The following CHL1 variants were observed in gnomAD, a reference collection of about 807,000 sequenced individuals.
CHL1 encodes neural cell adhesion molecule L1-like protein.
A neutral mutation model predicts 141.9 loss-of-function variants in CHL1; 96 were observed. The observed-to-expected ratio is 0.68, with a 90% CI of 0.57 to 0.80. CHL1 has a LOEUF of 0.80. CHL1 is among the 30% of genes least tolerant of loss of function. The probability of loss-of-function intolerance (pLI) is 0.00; values close to 1 mark genes in which losing one functional copy is unlikely to be tolerated. For missense variants in CHL1, 1,820 were observed against 1,457.2 expected, an observed-to-expected ratio of 1.25 and a Z score of -4.05; for synonymous variants, 613 against 502.2, an observed-to-expected ratio of 1.22 and a Z score of -2.95.
rs151227337 is a variant in CHL1 at position 239,901 on chromosome 3, C to T, written c.-174-4712C>T. Among the ~76,000 whole-genome samples the T allele has an allele frequency of 5.3e-4, 81 of 152,244 alleles. 2 individuals are homozygous for T. Among genetic ancestry groups the T allele is most frequent in the Admixed American group, 4.2e-3 (64 of 15,278 alleles). On this transcript the variant is annotated intron_variant, in intron 1 of 27. Transcript: ENST00000256509. ...TAGAATAATCGTCTCCAGCTCCATC[C>T]AGGGTGCTGTGAATGCGGTTAATTT...
intron 1 of CHL1, among the ~76,000 whole-genome samples, chr3:206,706 C>T (rs1699475949): frequency 6.6e-6 from 1 of 152,122 alleles, no homozygotes; most frequent in Admixed American, 6.5e-5. Context: ...GTGTTCTCTC[C>T]AAAATCAAGT....
intron 1 of CHL1, among the ~76,000 whole-genome samples, chr3:242,545 G>A (rs547081532): frequency 9.9e-5 from 15 of 151,938 alleles, no homozygotes; most frequent in South Asian, 2.1e-4. Context: ...GCAGTGAGCC[G>A]AGATTGTGCC....
intron 2 of CHL1, among the ~76,000 whole-genome samples, chr3:281,127 A>C (rs1260863734): frequency 1.3e-5 from 2 of 152,164 alleles, no homozygotes; most frequent in Admixed American, 6.5e-5. Flanking sequence ...AAATTCTCCT[A>C]CAACACCCAG....
intron 1 of CHL1, among the ~76,000 whole-genome samples, chr3:237,964 G>A (rs1039050603): frequency 6.6e-6 from 1 of 152,144 alleles, no homozygotes; most frequent in Admixed American, 6.5e-5. Context: ...ATAAGGTTTT[G>A]CTGATAAATA....
chr3:382,695 T>G (rs1165493665), intron 18 of CHL1, 24 bp downstream of exon 18: 2 of 1,600,190 alleles, frequency 1.2e-6, no homozygotes, highest in East Asian at 2.2e-5. Context: ...CACATCAGGT[T>G]TCTAACAAAA....
At chr3:293,124 A>T (rs1574979792) in intron 2 of CHL1, among the ~76,000 whole-genome samples, 1 of 152,358 alleles carries the variant, frequency 6.6e-6, no homozygotes, top group South Asian at 2.1e-4. Context: ...GCTTCAGGTT[A>T]GTTTATAAAA....
intron 15 of CHL1, among the ~76,000 whole-genome samples, chr3:370,541 A>AC (rs1705496157): frequency 6.7e-6 from 1 of 150,254 alleles, no homozygotes; most frequent in South Asian, 2.1e-4. Flanking sequence ...TTTTTTCAAA[A>AC]AAAAAAAACC....
At chr3:321,356 A>G (rs914418770) in intron 3 of CHL1, among the ~76,000 whole-genome samples, 4 of 152,088 alleles carry the variant, frequency 2.6e-5, no homozygotes, top group Non-Finnish European at 4.4e-5. Flanking sequence ...CTTTCGGCCT[A>G]CACAATGTAT....
At chr3:242,488 T>C (rs565159237) in intron 1 of CHL1, among the ~76,000 whole-genome samples, 1,576 of 149,856 alleles carry the variant, frequency 0.011, 6 homozygotes, top group Middle Eastern at 0.014. Context: ...CCCAGCTACC[T>C]GGGAGGCTGA....
chr3:216,833 G>A (rs987579702), intron 1 of CHL1, among the ~76,000 whole-genome samples: 1 of 152,158 alleles, frequency 6.6e-6, no homozygotes, highest in African/African-American at 2.4e-5. Flanking sequence ...GCTGATATAT[G>A]GAAATGCCAT....
chr3:406,363 T>A lies in CHL1; in HGVS notation c.*652T>A, dbSNP rs1407351132. 4 of 151,254 alleles carry A rather than the reference T, an allele frequency of 2.6e-5. No homozygotes were observed. The highest frequency in any genetic ancestry group is 4.4e-5 in the Non-Finnish European group (3 of 67,858). The allele number at this position is 151,254 out of a possible 1,614,324, so 9.4% of individuals were successfully genotyped here. ...TTCAACATGAATTTTTTTATTTCTG[T>A]CAGTTATGACATCCACAAGCATCAC... On this transcript the variant is annotated 3_prime_UTR_variant, in exon 28 of 28. Coordinates refer to ENST00000256509, the MANE Select transcript of CHL1 (RefSeq NM_006614.4).
At chr3:242,448 T>C (rs71306196) in intron 1 of CHL1, among the ~76,000 whole-genome samples, 31,376 of 133,966 alleles carry the variant, frequency 0.23, 4,116 homozygotes, top group Middle Eastern at 0.32. Flanking sequence ...TACAAAAAAT[T>C]ATCCCGGCGT....
At chr3:241,902 G>A (rs1303807994) in intron 1 of CHL1, among the ~76,000 whole-genome samples, 4 of 152,050 alleles carry the variant, frequency 2.6e-5, no homozygotes, top group African/African-American at 7.2e-5. Flanking sequence ...TATGTCAATG[G>A]TGGTGAGGGA....
At chr3:279,735 G>C (rs1696465477) in intron 2 of CHL1, among the ~76,000 whole-genome samples, 1 of 152,210 alleles carries the variant, frequency 6.6e-6, no homozygotes, top group Non-Finnish European at 1.5e-5. Context: ...TGAAACAATG[G>C]AGGGAGGAAA....
At chr3:328,139 G>A in intron 4 of CHL1, 28 bp from the exon 5 acceptor site, 1 of 1,553,564 alleles carries the variant, frequency 6.4e-7, no homozygotes, top group East Asian at 2.3e-5. Context: ...TATTTTTCAG[G>A]ATTATTAAGT....
At chr3:350,008 A>G (rs1329177461) in intron 10 of CHL1, among the ~76,000 whole-genome samples, 1 of 152,228 alleles carries the variant, frequency 6.6e-6, no homozygotes, top group Non-Finnish European at 1.5e-5. Context: ...GAAGTGAAAG[A>G]GGCAGGCAAA....
intron 5 of CHL1, 52 bp from the exon 6 acceptor site, chr3:340,742 T>C (rs1210018705): frequency 7.1e-7 from 1 of 1,411,802 alleles, no homozygotes; most frequent in Non-Finnish European, 9.8e-7. Context: ...TATTTGTTGT[T>C]ATAGTCAAAG....
chr3:205,789 T>C lies in CHL1; in HGVS notation c.-175+8726T>C, dbSNP rs111755634. Among the ~76,000 whole-genome samples, 444 of 152,314 alleles carry C rather than the reference T, an allele frequency of 2.9e-3. 1 individual carries two copies. The highest frequency in any genetic ancestry group is 9.9e-3 in the African/African-American group (413 of 41,582). ...CAGGCAGATACTTAAATAGCCACCA[T>C]TGATCATTTATCAAGTGTTTATTAT... On this transcript the variant is annotated intron_variant, in intron 1 of 27. Coordinates refer to ENST00000256509, the MANE Select transcript of CHL1 (RefSeq NM_006614.4).
At chr3:198,071 A>G in intron 1 of CHL1, 1 of 290,270 alleles carries the variant, frequency 3.4e-6, no homozygotes, top group Non-Finnish European at 6.9e-6. Flanking sequence ...GGGCCGGAGG[A>G]GCAGCAGCCG....
Sources: allele counts gnomAD v4.1 joint callset (sites outside exome capture counted in the v4.1 genomes callset), GRCh38; gene constraint gnomAD v4.1.1; transcripts MANE v1.5; gene names NCBI Gene and HGNC (gene_info 2026-07-23, HGNC 2026-07-21).